The following PREX2 variants were observed in gnomAD, a reference collection of about 807,000 sequenced individuals.
PREX2 encodes the protein phosphatidylinositol-3,4,5-trisphosphate dependent Rac exchange factor 2.
A neutral mutation model predicts 203.2 loss-of-function variants in PREX2; 107 were observed. The ratio of observed to expected loss-of-function variants is 0.53; its 90% CI spans 0.45 to 0.62. PREX2 has a LOEUF of 0.62. Ranked by LOEUF, PREX2 falls within the 20% of genes least tolerant of loss-of-function variation. The pLI, the probability that PREX2 is intolerant of heterozygous loss-of-function variation, is 0.00. For missense variants in PREX2, 1,777 were observed against 1,955.9 expected (o/e 0.91, Z 1.72); for synonymous variants, 672 against 663.6 (o/e 1.01, Z -0.19).
intron 22 of PREX2, among the ~76,000 whole-genome samples, chr8:68,097,720 T>A (rs908275369): frequency 2.6e-5 from 4 of 152,240 alleles, no homozygotes; most frequent in African/African-American, 9.6e-5. Context: ...TTAAGTTAGA[T>A]GAAACCCTTG....
intron 18 of PREX2, among the ~76,000 whole-genome samples, chr8:68,084,645 T>C (rs531828297): frequency 1.3e-5 from 2 of 152,262 alleles, no homozygotes; most frequent in South Asian, 4.1e-4. Flanking sequence ...TTTTTACTAA[T>C]GTAGGAAGAC....
chr8:67,981,747 A>G (rs58364782), intron 1 of PREX2, among the ~76,000 whole-genome samples: 55,919 of 152,098 alleles, frequency 0.37, 10,572 homozygotes, highest in East Asian at 0.61. Flanking sequence ...CTTAAAATAT[A>G]TATTAATCAG....
At chr8:68,176,020 C>G (rs984302371) in intron 35 of PREX2, among the ~76,000 whole-genome samples, 17 of 151,964 alleles carry the variant, frequency 1.1e-4, no homozygotes, top group African/African-American at 3.6e-4. Flanking sequence ...AAGGAAATCC[C>G]AGAACTTTAT....
chr8:67,959,279 G>A (rs1331754867), intron 1 of PREX2, among the ~76,000 whole-genome samples: 1 of 152,136 alleles, frequency 6.6e-6, no homozygotes, highest in African/African-American at 2.4e-5. Context: ...TGAAGAGGTC[G>A]CTGGATCTGG....
At chr8:68,156,099 C>G (rs545168496) in intron 34 of PREX2, among the ~76,000 whole-genome samples, 29 of 152,072 alleles carry the variant, frequency 1.9e-4, no homozygotes, top group Non-Finnish European at 3.5e-4. Flanking sequence ...CTTACTCTGT[C>G]CCCCAGACTG....
intron 38 of PREX2, among the ~76,000 whole-genome samples, chr8:68,218,450 G>T (rs1263642490): frequency 6.6e-6 from 1 of 152,104 alleles, no homozygotes; most frequent in Non-Finnish European, 1.5e-5. Context: ...AAAGACAAAA[G>T]AAATCAAAAG....
intron 35 of PREX2, among the ~76,000 whole-genome samples, chr8:68,158,014 A>C (rs1811575253): frequency 6.6e-6 from 1 of 151,518 alleles, no homozygotes; most frequent in Admixed American, 6.6e-5. Context: ...AATGTGTTAT[A>C]ATTCAAAAGC....
intron 17 of PREX2, among the ~76,000 whole-genome samples, 157 bp from the exon 18 acceptor site, chr8:68,083,071 AACTGTGTTATCT>A (rs1299821547): frequency 6.6e-6 from 1 of 152,206 alleles, no homozygotes; most frequent in African/African-American, 2.4e-5. Context: ...AGAGAATGAT[AACTGTGTTATCT>A]ACAGTTCTGC....
At chr8:68,071,726 C>T (rs1208911706) in intron 13 of PREX2, among the ~76,000 whole-genome samples, 1 of 152,056 alleles carries the variant, frequency 6.6e-6, no homozygotes, top group East Asian at 1.9e-4. Flanking sequence ...TCTTGGTTCT[C>T]TGGGGATGTA....
intron 37 of PREX2, among the ~76,000 whole-genome samples, chr8:68,196,862 C>G (rs1585858505): frequency 6.6e-6 from 1 of 152,236 alleles, no homozygotes; most frequent in African/African-American, 2.4e-5. Flanking sequence ...CCTACAGAAC[C>G]ATGTGCCAAT....
chr8:68,060,648 G>A (rs371876034), intron 10 of PREX2, 31 bp from the exon 11 acceptor site: 348 of 1,524,660 alleles, frequency 2.3e-4, no homozygotes, highest in African/African-American at 5.4e-4. Context: ...AAAATTAACC[G>A]TTTAGCTTTT....
Position 68,070,986 on chromosome 8 carries a change from A to G in PREX2, c.1493+1102A>G, listed in dbSNP as rs948956260. On this transcript the variant is annotated intron_variant, in intron 13 of 39. Coordinates refer to ENST00000288368, the MANE Select transcript of PREX2 (RefSeq NM_024870.4). The stretch of plus-strand genomic sequence containing the variant: ...ATAATTCTTTCACAGATACCCATAA[A>G]TATTTTGGATAACTTGATATTAAGT... Among the ~76,000 whole-genome samples the G allele has an allele frequency of 2.0e-5, 3 of 152,172 alleles. No homozygotes were observed. The East Asian group carries it at 5.8e-4, about 29-fold the overall frequency.
intron 32 of PREX2, 130 bp from the exon 33 acceptor site, chr8:68,138,285 T>A (rs917480961): frequency 2.4e-6 from 1 of 417,222 alleles, no homozygotes. Flanking sequence ...GAAGTCTTTA[T>A]AATTTTGTTT....
At chr8:68,084,432 T>C (rs1054391590) in intron 18 of PREX2, among the ~76,000 whole-genome samples, 2 of 152,162 alleles carry the variant, frequency 1.3e-5, no homozygotes, top group Non-Finnish European at 2.9e-5. Flanking sequence ...TATTTATATG[T>C]AATATGTTTA....
rs79216808 is a variant in PREX2 at position 68,104,708 on chromosome 8, A to G, written c.2716-3401A>G. 6.6e-5 allele frequency among the ~76,000 whole-genome samples: 10 copies of G among 152,290 alleles called. No individual in the cohort carries two copies. In the East Asian group the frequency reaches 1.7e-3, roughly 26 times the overall value. ...CACTGTTGACCTCTCCTCTCACTGGAATGTAACCTCCCGGAAGACAGGAAT... is the reference window on the plus strand; with the variant it reads ...CACTGTTGACCTCTCCTCTCACTGGGATGTAACCTCCCGGAAGACAGGAAT... On this transcript the variant is annotated intron_variant, in intron 23 of 39. Coordinates refer to ENST00000288368, the MANE Select transcript of PREX2 (RefSeq NM_024870.4).
chr8:68,157,933 T>C (rs533380513), intron 35 of PREX2, among the ~76,000 whole-genome samples: 21 of 151,800 alleles, frequency 1.4e-4, no homozygotes, highest in African/African-American at 4.6e-4. Context: ...ACTGTCTTTT[T>C]CCCCCCAAAA....
chr8:68,131,070 G>A (rs1417385444), intron 31 of PREX2, among the ~76,000 whole-genome samples: 1 of 152,194 alleles, frequency 6.6e-6, no homozygotes, highest in Non-Finnish European at 1.5e-5. Context: ...GGTACTGTGT[G>A]GCTCAAAGAG....
chr8:68,048,826 T>G (rs984190265), intron 8 of PREX2, among the ~76,000 whole-genome samples: 1 of 152,066 alleles, frequency 6.6e-6, no homozygotes, highest in African/African-American at 2.4e-5. Context: ...TCGTCATCTT[T>G]ATCTTCATGC....
chr8:68,047,141 TGGGTTTGGTTGCACCCAGAAATGA>T (rs895384957), intron 8 of PREX2, among the ~76,000 whole-genome samples: 1 of 151,904 alleles, frequency 6.6e-6, no homozygotes, highest in Non-Finnish European at 1.5e-5. Flanking sequence ...GTATGGAGGT[TGGGTTTGGTTGCACCCAGAAATGA>T]TCTGGGTGCT....
Sources: allele counts gnomAD v4.1 joint callset (sites outside exome capture counted in the v4.1 genomes callset), GRCh38; gene constraint gnomAD v4.1.1; transcripts MANE v1.5; gene names NCBI Gene and HGNC (gene_info 2026-07-23, HGNC 2026-07-21).